The following SLC24A2 variants were observed in gnomAD, a reference collection of about 807,000 sequenced individuals.
SLC24A2 encodes solute carrier family 24 member 2, also known as sodium/potassium/calcium exchanger 2.
A neutral mutation model predicts 62.0 loss-of-function variants in SLC24A2; 36 were observed. That is an observed-to-expected ratio of 0.58 (90% CI 0.44 to 0.77). The LOEUF is 0.77. Ranked by LOEUF, SLC24A2 falls within the 30% of genes least tolerant of loss-of-function variation. The probability of loss-of-function intolerance (pLI) is 0.00; values close to 1 mark genes in which losing one functional copy is unlikely to be tolerated. For missense variants in SLC24A2, 846 were observed against 817.9 expected (o/e 1.03, Z -0.42); for synonymous variants, 358 against 294.0 (o/e 1.22, Z -2.23).
the SLC24A2 span, among the ~76,000 whole-genome samples, chr9:20,060,411 C>A: frequency 2.0e-5 from 3 of 152,036 alleles, no homozygotes; most frequent in Non-Finnish European, 4.4e-5. Context: ...AAAATATTAG[C>A]AAACCAAATT....
At chr9:20,165,782 T>A in the SLC24A2 span, among the ~76,000 whole-genome samples, 75 of 151,910 alleles carry the variant, frequency 4.9e-4, no homozygotes, top group African/African-American at 1.8e-3. Flanking sequence ...ATGAAAAAAT[T>A]GATAAATTTG....
At chr9:20,161,860 A>T in the SLC24A2 span, among the ~76,000 whole-genome samples, 10 of 151,662 alleles carry the variant, frequency 6.6e-5, no homozygotes, top group African/African-American at 2.4e-4. Flanking sequence ...CATTCCCAAT[A>T]GGAGTTGGGA....
chr9:19,544,473 T>C (rs749820816), intron 8 of SLC24A2, among the ~76,000 whole-genome samples: 3 of 152,286 alleles, frequency 2.0e-5, no homozygotes, highest in Middle Eastern at 3.4e-3. Context: ...TCTGTCATTA[T>C]GATGCTAACT....
chr9:19,890,080 C>T, the SLC24A2 span, among the ~76,000 whole-genome samples: 1 of 152,172 alleles, frequency 6.6e-6, no homozygotes. Context: ...CCATTACAAA[C>T]CCCAGTAAGT....
the SLC24A2 span, among the ~76,000 whole-genome samples, chr9:19,898,628 G>C: frequency 6.6e-6 from 1 of 151,524 alleles, no homozygotes; most frequent in Non-Finnish European, 1.5e-5. Context: ...TGTAGTCCCA[G>C]CTACTCGGGA....
At chr9:20,102,270 C>T in the SLC24A2 span, among the ~76,000 whole-genome samples, 1 of 151,838 alleles carries the variant, frequency 6.6e-6, no homozygotes, top group Admixed American at 6.6e-5. Flanking sequence ...TATGAGTAAA[C>T]AAAATGTGGC....
intron 9 of SLC24A2, among the ~76,000 whole-genome samples, chr9:19,525,175 G>T (rs1027676733): frequency 2.0e-5 from 3 of 151,874 alleles, no homozygotes; most frequent in African/African-American, 7.3e-5. Flanking sequence ...TATCCAGGAA[G>T]AGTAATCTGA....
At chr9:20,135,256 C>A in the SLC24A2 span, among the ~76,000 whole-genome samples, 1 of 151,624 alleles carries the variant, frequency 6.6e-6, no homozygotes, top group Non-Finnish European at 1.5e-5. Flanking sequence ...GAAATTCGAC[C>A]TGACAAAATC....
At chr9:19,690,961 G>A (rs945105216) in intron 2 of SLC24A2, among the ~76,000 whole-genome samples, 2 of 152,032 alleles carry the variant, frequency 1.3e-5, no homozygotes, top group African/African-American at 2.4e-5. Flanking sequence ...GAGAGAGAAT[G>A]TGTATTGGCA....
chr9:20,291,809 A>G, the SLC24A2 span, among the ~76,000 whole-genome samples: 1 of 152,162 alleles, frequency 6.6e-6, no homozygotes, highest in African/African-American at 2.4e-5. Flanking sequence ...GCCACTGGCC[A>G]TTTTTGACAT....
At chr9:20,059,133 G>T in the SLC24A2 span, among the ~76,000 whole-genome samples, 1 of 152,144 alleles carries the variant, frequency 6.6e-6, no homozygotes, top group Admixed American at 6.6e-5. Context: ...AAGGTAAAAA[G>T]GGACTTTACA....
the SLC24A2 span, among the ~76,000 whole-genome samples, chr9:19,974,430 T>A: frequency 6.6e-6 from 1 of 152,204 alleles, no homozygotes; most frequent in Non-Finnish European, 1.5e-5. Context: ...CAGTAATTGG[T>A]CCCTAAATTG....
At chr9:19,756,298 AGAG>A (rs774816269) in intron 2 of SLC24A2, among the ~76,000 whole-genome samples, 53 of 152,216 alleles carry the variant, frequency 3.5e-4, no homozygotes, top group Non-Finnish European at 5.7e-4. Flanking sequence ...GCCCTTCTGC[AGAG>A]GAGTTTTAAA....
the SLC24A2 span, among the ~76,000 whole-genome samples, chr9:19,814,907 T>G: frequency 6.6e-6 from 1 of 152,204 alleles, no homozygotes; most frequent in Non-Finnish European, 1.5e-5. Context: ...ACTGAAAAGA[T>G]AATGTCTGAA....
chr9:19,978,181 T>C, the SLC24A2 span, among the ~76,000 whole-genome samples: 1 of 152,312 alleles, frequency 6.6e-6, no homozygotes, highest in East Asian at 1.9e-4. Flanking sequence ...AAAATAGCCA[T>C]TTACAAAGCT....
the SLC24A2 span, among the ~76,000 whole-genome samples, chr9:20,112,230 A>C: frequency 6.6e-6 from 1 of 152,212 alleles, no homozygotes; most frequent in Admixed American, 6.6e-5. Flanking sequence ...AAGGAAAAAA[A>C]AGAACATTTC....
At chr9:19,879,177 G>C in the SLC24A2 span, among the ~76,000 whole-genome samples, 1 of 152,118 alleles carries the variant, frequency 6.6e-6, no homozygotes, top group Non-Finnish European at 1.5e-5. Context: ...TCCCCAGAGA[G>C]GTCATGCTGA....
intron 2 of SLC24A2, among the ~76,000 whole-genome samples, chr9:19,692,390 C>T (rs994775754): frequency 3.9e-5 from 6 of 152,096 alleles, no homozygotes; most frequent in Admixed American, 1.3e-4. Flanking sequence ...TTGATTCATG[C>T]TAGAAAAAAT....
intron 2 of SLC24A2, among the ~76,000 whole-genome samples, chr9:19,718,069 C>T (rs113860257): frequency 0.011 from 1,624 of 151,282 alleles, 31 homozygotes; most frequent in African/African-American, 0.038. Flanking sequence ...CTCCGCCTCC[C>T]AGGTTCAAGC....
Sources: gnomAD v4.1 joint callset for allele counts (sites outside exome capture counted in the v4.1 genomes callset) on GRCh38, gnomAD v4.1.1 for gene constraint, MANE v1.5 for transcripts, NCBI Gene and HGNC (gene_info 2026-07-23, HGNC 2026-07-21) for gene names.